The following ST14 variants were observed in gnomAD, a reference collection of about 807,000 sequenced individuals.
The protein encoded by ST14 is ST14 transmembrane serine protease matriptase, also known as suppressor of tumorigenicity 14 protein.
ST14 carries 40 observed loss-of-function variants against 96.5 expected under a neutral mutation model. The observed-to-expected ratio is 0.41, with a 90% CI of 0.32 to 0.54. The LOEUF (loss-of-function observed/expected upper bound fraction) is 0.54, where lower values mean the gene tolerates loss of function less well. ST14 is among the 20% of genes least tolerant of loss of function. The pLI is 0.17. For missense variants in ST14, 1,066 were observed against 1,188.9 expected, an observed-to-expected ratio of 0.90 and a Z score of 1.52; for synonymous variants, 506 against 492.1, an observed-to-expected ratio of 1.03 and a Z score of -0.37.
intron 1 of ST14, among the ~76,000 whole-genome samples, chr11:130,169,466 G>A (rs984754743): frequency 6.6e-6 from 1 of 152,196 alleles, no homozygotes; most frequent in Non-Finnish European, 1.5e-5. Flanking sequence ...GAGCTGAAGG[G>A]GTGGGGGACA....
Position 130,190,095 on chromosome 11 carries a change from C to T in ST14, c.599-18C>T, listed in dbSNP as rs747972685. 3.7e-6 allele frequency: 6 copies of T among 1,614,018 alleles called. No individual in the cohort carries two copies. On this transcript the variant is annotated intron_variant, in intron 5 of 18. Transcript: ENST00000278742. ...GGATTGTATCAGGAAATGCTTTATT[C>T]TCCTTCTTATTCTTCAGCCACGGAC...
chr11:130,162,741 T>C (rs1953006936), intron 1 of ST14, among the ~76,000 whole-genome samples: 1 of 152,094 alleles, frequency 6.6e-6, no homozygotes, highest in African/African-American at 2.4e-5. Flanking sequence ...TAGTGTGGGG[T>C]ACAGGGAACT....
intron 1 of ST14, among the ~76,000 whole-genome samples, chr11:130,176,596 G>A (rs1953140672): frequency 6.6e-6 from 1 of 151,780 alleles, no homozygotes; most frequent in Non-Finnish European, 1.5e-5. Flanking sequence ...CACCCTGTTA[G>A]CCAGGATAGT....
At chr11:130,172,689 C>T (rs534739467) in intron 1 of ST14, among the ~76,000 whole-genome samples, 5 of 152,154 alleles carry the variant, frequency 3.3e-5, no homozygotes, top group African/African-American at 7.2e-5. Flanking sequence ...AGTGCTGGGA[C>T]TACAGGCGTG....
intron 1 of ST14, among the ~76,000 whole-genome samples, chr11:130,172,680 G>A (rs1953103756): frequency 6.6e-6 from 1 of 152,056 alleles, no homozygotes; most frequent in South Asian, 2.1e-4. Context: ...GCCTCCCAAA[G>A]TGCTGGGACT....
rs1188179012 is a variant in ST14, at chr11:130,190,434, C to T, written c.635-20C>T. 4.4e-6 allele frequency: 7 copies of T among 1,605,060 alleles called. No individual in the cohort carries two copies. Among genetic ancestry groups the T allele is most frequent in the African/African-American group, 1.3e-5 (1 of 74,934 alleles). On this transcript the variant is annotated intron_variant, in intron 6 of 18. Transcript: ENST00000278742. ...CCAGCCCTGCCCCCACACGTGCCCT[C>T]CTTCTTGTCTCCTGCGCAGACAGCT...
rs762560913 is a variant in ST14 at position 130,200,176 on chromosome 11, G to T, written c.1994+39G>T. 142 of 1,608,304 alleles carry T rather than the reference G, an allele frequency of 8.8e-5. No individual in the cohort carries two copies. The South Asian group carries it at 1.2e-3, about 14-fold the overall frequency. On this transcript the variant is annotated intron_variant, in intron 16 of 18. Coordinates refer to ENST00000278742, the MANE Select transcript of ST14 (RefSeq NM_021978.4). Reference sequence around the variant, plus strand: ...TGGGCAGCAGGGAGCCTCCTTGCTGGCCCTTTGCATCTGGGAGTAATGCCA... The same window carrying T: ...TGGGCAGCAGGGAGCCTCCTTGCTGTCCCTTTGCATCTGGGAGTAATGCCA...
chr11:130,160,939 C>T (rs925348408), intron 1 of ST14, among the ~76,000 whole-genome samples: 3 of 152,166 alleles, frequency 2.0e-5, no homozygotes, highest in African/African-American at 7.2e-5. Context: ...GAGGCAGGGG[C>T]TGTGTGGCAG....
At chr11:130,177,956 A>T (rs1482427008) in intron 1 of ST14, among the ~76,000 whole-genome samples, 2 of 152,244 alleles carry the variant, frequency 1.3e-5, no homozygotes, top group African/African-American at 4.8e-5. Context: ...CCACAAGGTC[A>T]GACTTATTGA....
rs1401478805 is a variant in ST14 at position 130,186,827 on chromosome 11, A to G, written c.82-1287A>G. 2.6e-5 allele frequency among the ~76,000 whole-genome samples: 4 copies of G among 152,356 alleles called. No individual in the cohort carries two copies. The East Asian group carries it at 7.7e-4, about 29-fold the overall frequency. On this transcript the variant is annotated intron_variant, in intron 1 of 18. Transcript: ENST00000278742. The stretch of plus-strand genomic sequence containing the variant: ...TGAATCAAGAGATTATGGCGTTGGC[A>G]TATTATTTAGAAATATAGAGACAGA...
intron 7 of ST14, among the ~76,000 whole-genome samples, chr11:130,190,915 A>G (rs1953291187): frequency 1.3e-5 from 2 of 152,258 alleles, no homozygotes; most frequent in African/African-American, 4.8e-5. Context: ...GGAAGGCTCT[A>G]TAGTCCCCAG....
intron 16 of ST14, 70 bp downstream of exon 16, chr11:130,200,207 G>T (rs564154378): frequency 6.3e-7 from 1 of 1,576,660 alleles, no homozygotes; most frequent in Non-Finnish European, 8.6e-7. Context: ...TGCCAGGATA[G>T]GTTGGCACCG....
chr11:130,183,070 C>A (rs1953208526), intron 1 of ST14, among the ~76,000 whole-genome samples: 1 of 152,012 alleles, frequency 6.6e-6, no homozygotes, highest in Admixed American at 6.5e-5. Context: ...GACTCTCCTG[C>A]CTCAGCCCCC....
intron 1 of ST14, among the ~76,000 whole-genome samples, chr11:130,170,780 G>A (rs1485474686): frequency 2.0e-5 from 3 of 152,092 alleles, no homozygotes; most frequent in African/African-American, 7.2e-5. Context: ...ATATACAGTG[G>A]TGGGCACAGC....
At position 130,198,958 on chromosome 11, in the gene ST14, A is replaced by G. The variant is rs1210625652; in HGVS notation, c.1696A>G (p.Thr566Ala). 6.2e-7 allele frequency: 1 copy of G among 1,614,052 alleles called. No individual in the cohort carries two copies. Residue 566 changes from threonine to alanine, a missense_variant, in exon 15 of 19, where the codon ACT (threonine) becomes GCT (alanine). Thr to Ala is a moderately conservative substitution (Grantham distance 58, BLOSUM62 0). Coordinates refer to ENST00000278742, the MANE Select transcript of ST14 (RefSeq NM_021978.4). Reference sequence around the variant, plus strand: ...TCCTCCTTGAACAGTGAACGTCGTCACTTGTACCAAACACACCTACCGCTG... The same window carrying G: ...TCCTCCTTGAACAGTGAACGTCGTCGCTTGTACCAAACACACCTACCGCTG... Reference protein sequence around the residue: ...EASCPKVNVVTCTKHTYRCLN... With the variant: ...EASCPKVNVVACTKHTYRCLN...
Position 130,209,823 on chromosome 11 carries a change from G to A in ST14, c.2568G>A (p.Ter856=). The A allele has an allele frequency of 6.2e-7, 1 of 1,613,582 alleles. No homozygotes were observed. The highest frequency in any genetic ancestry group is 2.2e-5 in the East Asian group (1 of 44,886). Residue 856 remains the stop codon, a stop_retained_variant, in exon 19 of 19, where the codon TAG becomes TAA. Coordinates refer to ENST00000278742, the MANE Select transcript of ST14 (RefSeq NM_021978.4). ...GGATCAAAGAGAACACTGGGGTATA[G>A]GGGCCGGGGCCACCCAAATGTGTAC... is the stretch of plus-strand genomic sequence containing the variant. The part of the protein sequence containing the change: ...RDWIKENTGV[*]
intron 1 of ST14, among the ~76,000 whole-genome samples, 196 bp downstream of exon 1, chr11:130,160,256 T>A (rs1760843486): frequency 6.7e-6 from 1 of 149,514 alleles, no homozygotes; most frequent in Admixed American, 6.6e-5. Context: ...CCGGACCGGC[T>A]GCGCCCCGCC....
In ST14 at chr11:130,210,138, G is replaced by T; in HGVS notation, c.*315G>T. ...GCGTTTGTGCATATCTGCCTCCCCT[G>T]TCTCTAAGGAGCAGCGGGAACGGAG... On this transcript the variant is annotated 3_prime_UTR_variant, in exon 19 of 19. Coordinates refer to ENST00000278742, the MANE Select transcript of ST14 (RefSeq NM_021978.4). The T allele has an allele frequency of 3.0e-6, 1 of 338,798 alleles. No individual in the cohort carries two copies. The highest frequency in any genetic ancestry group is 5.5e-6 in the Non-Finnish European group (1 of 181,284). 21.0% of individuals were successfully genotyped at this position (338,798 alleles called of 1,614,324 possible). A position where few individuals can be genotyped will look rare whatever the true frequency, so the allele number is the denominator to read the frequency against.
chr11:130,197,410 G>A (rs949643684), intron 11 of ST14, among the ~76,000 whole-genome samples: 12 of 152,286 alleles, frequency 7.9e-5, no homozygotes, highest in African/African-American at 2.9e-4. Flanking sequence ...GGTGAAGGAA[G>A]TGCGCGATGC....
Sources: allele counts gnomAD v4.1 joint callset (sites outside exome capture counted in the v4.1 genomes callset), GRCh38; gene constraint gnomAD v4.1.1; transcripts MANE v1.5; gene names NCBI Gene and HGNC (gene_info 2026-07-23, HGNC 2026-07-21).